OTUD4: variants seen among roughly 807,000 people sequenced by gnomAD.
OTUD4 encodes the protein OTU domain-containing protein 4.
Under a neutral mutation model 130.4 loss-of-function variants are expected in OTUD4, and 24 were observed. The observed-to-expected ratio is 0.18, with a 90% confidence interval of 0.13 to 0.26. The LOEUF (loss-of-function observed/expected upper bound fraction) is 0.26. OTUD4 is among the 10% of genes least tolerant of loss of function. The probability of loss-of-function intolerance (pLI) is 1.00; values close to 1 mark genes in which losing one functional copy is unlikely to be tolerated. For synonymous variants in OTUD4, 420 were observed against 472.5 expected (o/e 0.89, Z 1.44); for missense variants, 1,031 against 1,329.4 (o/e 0.78, Z 3.49).
intron 20 of OTUD4, among the ~76,000 whole-genome samples, 188 bp downstream of exon 20, chr4:145,139,763 A>C (rs915708031): frequency 1.3e-5 from 2 of 152,206 alleles, no homozygotes; most frequent in Non-Finnish European, 2.9e-5. Context: ...AAGACAAAAA[A>C]GTAAGTAAAA....
intron 6 of OTUD4, among the ~76,000 whole-genome samples, chr4:145,161,972 T>A (rs977690205): frequency 6.6e-6 from 1 of 152,190 alleles, no homozygotes; most frequent in East Asian, 1.9e-4. Flanking sequence ...CTCTGTTTTG[T>A]TTTGCTTTGC....
chr4:145,143,517 T>C lies in OTUD4; in HGVS notation c.1603-72A>G, dbSNP rs556566565. On this transcript the variant is annotated intron_variant, in intron 16 of 20. Transcript: ENST00000447906. ...ATTCTGGAATATTGATGGTTTCCTTTTATAATTCACCCTACCTGTATCTGA... is the reference window on the plus strand; with the variant it reads ...ATTCTGGAATATTGATGGTTTCCTTCTATAATTCACCCTACCTGTATCTGA... 1.4e-4 allele frequency: 123 copies of C among 855,710 alleles called. No individual in the cohort carries two copies. In the Middle Eastern group the frequency reaches 1.6e-3, roughly 11 times the overall value. 53.0% of individuals were successfully genotyped at this position (855,710 alleles called of 1,614,324 possible). A position where few individuals can be genotyped will look rare whatever the true frequency, so the allele number is the denominator to read the frequency against.
chr4:145,146,013 C>T, intron 14 of OTUD4: 1 of 262,996 alleles, frequency 3.8e-6, no homozygotes, highest in East Asian at 6.9e-5. Context: ...CAAAAGAAAA[C>T]ACGAAACACT....
chr4:145,157,684 CAA>C (rs923938636), intron 7 of OTUD4, among the ~76,000 whole-genome samples: 17 of 44,090 alleles, frequency 3.9e-4, no homozygotes, highest in African/African-American at 1.3e-3. Context: ...AACTCCGTCT[CAA>C]AAAAAAAAAA....
At chr4:145,177,422 G>A (rs1051310537) in intron 1 of OTUD4, among the ~76,000 whole-genome samples, 17 of 152,192 alleles carry the variant, frequency 1.1e-4, no homozygotes, top group African/African-American at 3.9e-4. Context: ...ACAAAGTCAA[G>A]CACTGCAAGA....
In OTUD4 at chr4:145,174,692, T is replaced by C. The variant is rs1210439960; in HGVS notation, c.212A>G (p.Tyr71Cys). 5.0e-6 allele frequency: 8 copies of C among 1,607,708 alleles called. No individual in the cohort carries two copies. The highest frequency in any genetic ancestry group is 1.7e-5 in the Admixed American group (1 of 60,002). Residue 71 changes from tyrosine to cysteine, a missense_variant, in exon 2 of 21, where the codon TAT becomes TGT. This residue lies in a region of OTUD4 where 77 missense variants were observed against 172.9 expected (regional missense o/e 0.45). Coordinates refer to ENST00000447906, the MANE Select transcript of OTUD4 (RefSeq NM_001366057.1). ...AAATTTCTCTCTGTTCTCTCGAAGATAGTGAATACAGGCCATTCTGACTTC... is the reference window on the plus strand; with the variant it reads ...AAATTTCTCTCTGTTCTCTCGAAGACAGTGAATACAGGCCATTCTGACTTC... ...HVEVRMACIH[Y>C]LRENREKFEA...
chr4:145,144,020 A>T lies in OTUD4; in HGVS notation c.1547-19T>A, dbSNP rs1290998147. On this transcript the variant is annotated intron_variant, in intron 15 of 20. Transcript: ENST00000447906. ...ATAGAGTCTATAGCAGATCAAGATT[A>T]AAAAAGACAGCATAAGCCACCAGTC... 4.4e-6 allele frequency: 7 copies of T among 1,596,934 alleles called. No individual in the cohort carries two copies. The highest frequency in any genetic ancestry group is 6.0e-6 in the Non-Finnish European group (7 of 1,165,606).
intron 13 of OTUD4, 26 bp from the exon 14 acceptor site, chr4:145,146,455 A>G (rs1237793901): frequency 5.5e-6 from 7 of 1,278,252 alleles, no homozygotes; most frequent in Non-Finnish European, 6.4e-6. Flanking sequence ...TTCTTGTCAG[A>G]AAATACATAA....
chr4:145,139,057 C>A lies in OTUD4; in HGVS notation c.2125-407G>T, dbSNP rs115013307. Reference sequence around the variant, plus strand: ...GATGATCTCCAATGTCAGGACTCTGCAATTCTAGGAGCCCCCAAGAGTACT... The same window carrying A: ...GATGATCTCCAATGTCAGGACTCTGAAATTCTAGGAGCCCCCAAGAGTACT... On this transcript the variant is annotated intron_variant, in intron 20 of 20. Transcript: ENST00000447906. Among the ~76,000 whole-genome samples the A allele has an allele frequency of 4.4e-3, 665 of 152,248 alleles. 9 individuals are homozygous for A. The highest frequency in any genetic ancestry group is 0.015 in the African/African-American group (618 of 41,532).
At position 145,136,705 on chromosome 4, in the gene OTUD4, A is replaced by G; in HGVS notation, c.*725T>C. The G allele has an allele frequency of 6.6e-6, 1 of 152,628 alleles. No individual in the cohort carries two copies. Among genetic ancestry groups the G allele is most frequent in the East Asian group, 1.9e-4 (1 of 5,194 alleles). The allele number at this position is 152,628 out of a possible 1,614,324, so 9.5% of individuals were successfully genotyped here. On this transcript the variant is annotated 3_prime_UTR_variant, in exon 21 of 21. Coordinates refer to ENST00000447906, the MANE Select transcript of OTUD4 (RefSeq NM_001366057.1). Reference sequence around the variant, plus strand: ...AATTCTTGGTGGAAACAGCCATTTCATTGGATTTCCTACTATTCTTCTATG... The same window carrying G: ...AATTCTTGGTGGAAACAGCCATTTCGTTGGATTTCCTACTATTCTTCTATG...
chr4:145,180,405 T>C lies in OTUD4; in HGVS notation c.-432A>G, dbSNP rs992530643. Among the ~76,000 whole-genome samples the C allele has an allele frequency of 5.3e-5, 8 of 152,024 alleles. No individual in the cohort carries two copies. Among genetic ancestry groups the C allele is most frequent in the Non-Finnish European group, 1.0e-4 (7 of 67,980 alleles). On this transcript the variant is annotated 5_prime_UTR_variant, in exon 1 of 21. Coordinates refer to ENST00000447906, the MANE Select transcript of OTUD4 (RefSeq NM_001366057.1). ...GGGCCGGCTCAGGTGAAGCGGGGCC[T>C]GCGCCCCCGCGCACTCCCCACGCCG...
In OTUD4 at chr4:145,173,548, C is replaced by A. The variant is rs893892572; in HGVS notation, c.243+1113G>T. On this transcript the variant is annotated intron_variant, in intron 2 of 20. Transcript: ENST00000447906. ...GATTAATAAGAATTAATTTAAAGAC[C>A]ATTCCACCTCCCCACTTCCCTTCTC... Among the ~76,000 whole-genome samples the A allele has an allele frequency of 9.2e-5, 14 of 152,226 alleles. No homozygotes were observed. The East Asian group carries it at 2.3e-3, about 25-fold the overall frequency.
intron 10 of OTUD4, among the ~76,000 whole-genome samples, chr4:145,154,167 A>G (rs1457472270): frequency 6.6e-6 from 1 of 152,218 alleles, no homozygotes; most frequent in Non-Finnish European, 1.5e-5. Context: ...GTGGGGAGAG[A>G]GACCTTTAAA....
chr4:145,148,924 C>T (rs2126757729), intron 13 of OTUD4, among the ~76,000 whole-genome samples: 1 of 152,308 alleles, frequency 6.6e-6, no homozygotes, highest in African/African-American at 2.4e-5. Context: ...AAACTTCAGC[C>T]ATAACTAGTT....
At position 145,162,674 on chromosome 4, in the gene OTUD4, G is replaced by A. The variant is rs780700342; in HGVS notation, c.462C>T (p.Pro154=). 1.2e-5 allele frequency: 18 copies of A among 1,557,940 alleles called. No homozygotes were observed. In the South Asian group the frequency reaches 1.7e-4, roughly 15 times the overall value. The change falls in exon 6 of 21, where the codon CCC becomes CCT. Residue 154 remains proline (P), a synonymous_variant. Coordinates refer to ENST00000447906, the MANE Select transcript of OTUD4 (RefSeq NM_001366057.1). ...TAGCAGAGCTTTCTTTATACTTTAT[G>A]GGATACACAATATCATAATGATTTC... ...SNGNHYDIVY[P]IKYKESSAMC... is the part of the protein sequence containing the mutation.
Position 145,144,337 on chromosome 4 carries a change from A to G in OTUD4, c.1520T>C (p.Met507Thr). The change falls in exon 15 of 21, where the codon ATG (methionine) becomes ACG (threonine). Residue 507 changes from methionine (M) to threonine (T), a missense_variant. Met to Thr is a moderately conservative substitution (Grantham distance 81). This residue lies in a region of OTUD4 where 900 missense variants were observed against 1,095.9 expected (regional missense o/e 0.82). Coordinates refer to ENST00000447906, the MANE Select transcript of OTUD4 (RefSeq NM_001366057.1). ...TTTGTCTTTTCGTTCTTCTGTATCC[A>G]TTCTCCGCCTGCTTCCTTTTCTATC... is the stretch of plus-strand genomic sequence containing the variant. ...VGDRKGSRRRMDTEERKDKDS... is the reference protein window; with the variant it reads ...VGDRKGSRRRTDTEERKDKDS... The G allele has an allele frequency of 6.2e-7, 1 of 1,612,548 alleles. No individual in the cohort carries two copies. The highest frequency in any genetic ancestry group is 8.5e-7 in the Non-Finnish European group (1 of 1,179,286).
At chr4:145,139,029 G>A (rs1178846915) in intron 20 of OTUD4, among the ~76,000 whole-genome samples, 3 of 152,152 alleles carry the variant, frequency 2.0e-5, no homozygotes, top group Admixed American at 2.0e-4. Flanking sequence ...CAGTATAAGA[G>A]TAGATGATCT....
chr4:145,145,993 C>T (rs879815708), intron 14 of OTUD4: 11 of 220,576 alleles, frequency 5.0e-5, no homozygotes, highest in Non-Finnish European at 7.0e-5. Flanking sequence ...AAATTAAACA[C>T]ATTTTAGTTC....
At chr4:145,150,754 G>A (rs371096179) in intron 12 of OTUD4, 48 bp downstream of exon 12, 3 of 1,605,708 alleles carry the variant, frequency 1.9e-6, no homozygotes, top group Non-Finnish European at 2.6e-6. Context: ...ACAATCCCAA[G>A]TACCATCATC....
Sources: allele counts gnomAD v4.1 joint callset (sites outside exome capture counted in the v4.1 genomes callset), GRCh38; gene constraint gnomAD v4.1.1; regional missense constraint gnomAD v4.1.1; transcripts MANE v1.5; gene names NCBI Gene and HGNC (gene_info 2026-07-23, HGNC 2026-07-21).